The following MAGI2 variants were observed in gnomAD, a reference collection of about 807,000 sequenced individuals.
The protein encoded by MAGI2 is membrane-associated guanylate kinase, WW and PDZ domain-containing protein 2.
Under a neutral mutation model 133.3 loss-of-function variants are expected in MAGI2, and 35 were observed. That is an observed-to-expected ratio of 0.26 (90% confidence interval 0.20 to 0.35). The LOEUF is 0.35. MAGI2 is among the 10% of genes least tolerant of loss of function. The pLI, the probability that MAGI2 is intolerant of heterozygous loss-of-function variation, is 1.00. For missense variants in MAGI2, 1,636 were observed against 1,863.4 expected (o/e 0.88, Z 2.25); for synonymous variants, 729 against 710.6 (o/e 1.03, Z -0.41).
chr7:78,957,768 C>G (rs547584916), intron 2 of MAGI2, among the ~76,000 whole-genome samples: 1 of 152,120 alleles, frequency 6.6e-6, no homozygotes, highest in Non-Finnish European at 1.5e-5. Context: ...CCCACTCAGC[C>G]TGGCTCCAGA....
At chr7:78,626,791 G>C (rs1584891468) in intron 3 of MAGI2, among the ~76,000 whole-genome samples, 1 of 151,092 alleles carries the variant, frequency 6.6e-6, no homozygotes, top group South Asian at 2.1e-4. Flanking sequence ...AGAGATCACA[G>C]CTTAACCTCA....
chr7:78,609,770 T>C (rs997240439), intron 3 of MAGI2, among the ~76,000 whole-genome samples: 3 of 152,160 alleles, frequency 2.0e-5, no homozygotes, highest in Non-Finnish European at 2.9e-5. Context: ...CTAATGGATC[T>C]CCTGTATTCC....
chr7:79,101,382 G>A (rs1013148761), intron 1 of MAGI2, among the ~76,000 whole-genome samples: 3 of 152,104 alleles, frequency 2.0e-5, no homozygotes, highest in African/African-American at 7.2e-5. Flanking sequence ...ATATCACAGT[G>A]ATAAAAGTAA....
intron 2 of MAGI2, among the ~76,000 whole-genome samples, chr7:78,943,759 C>G (rs971154758): frequency 5.9e-5 from 9 of 152,032 alleles, no homozygotes; most frequent in African/African-American, 1.7e-4. Flanking sequence ...ATTTCCTTTT[C>G]TTTAACATTC....
chr7:78,828,025 C>T (rs542757389), intron 2 of MAGI2, among the ~76,000 whole-genome samples: 7 of 152,310 alleles, frequency 4.6e-5, no homozygotes, highest in African/African-American at 1.4e-4. Flanking sequence ...GCTTGGACTA[C>T]AGGCATGTGC....
At chr7:78,121,231 T>TAAA (rs60654902) in intron 20 of MAGI2, among the ~76,000 whole-genome samples, 57 of 126,608 alleles carry the variant, frequency 4.5e-4, no homozygotes, top group Middle Eastern at 3.9e-3. Flanking sequence ...GCAGAAACTA[T>TAAA]AAAAAAAAAA....
intron 3 of MAGI2, among the ~76,000 whole-genome samples, chr7:78,534,786 G>A (rs1797742737): frequency 1.3e-5 from 2 of 152,158 alleles, no homozygotes; most frequent in African/African-American, 4.8e-5. Context: ...AGCAAGTAGA[G>A]TCAGTGAAGG....
At chr7:78,694,776 C>G (rs73147023) in intron 2 of MAGI2, among the ~76,000 whole-genome samples, 7,836 of 152,242 alleles carry the variant, frequency 0.051, 281 homozygotes, top group Non-Finnish European at 0.077. Context: ...ATGTTAAAAG[C>G]TGGTAATATC....
intron 9 of MAGI2, among the ~76,000 whole-genome samples, chr7:78,262,092 A>C (rs1793570816): frequency 5.3e-5 from 8 of 152,114 alleles, no homozygotes; most frequent in Admixed American, 5.2e-4. Flanking sequence ...CAGTTATAAA[A>C]ACAGCCATCA....
intron 2 of MAGI2, among the ~76,000 whole-genome samples, chr7:78,688,502 C>G (rs1585091414): frequency 6.6e-6 from 1 of 152,212 alleles, no homozygotes; most frequent in East Asian, 1.9e-4. Flanking sequence ...TAGTGCAAGG[C>G]TTTTAAAAGA....
intron 1 of MAGI2, among the ~76,000 whole-genome samples, chr7:79,223,618 A>G (rs1830625284): frequency 6.6e-6 from 1 of 152,056 alleles, no homozygotes; most frequent in African/African-American, 2.4e-5. Context: ...GCCTGAGCCC[A>G]GGAGTTTGCA....
intron 3 of MAGI2, among the ~76,000 whole-genome samples, chr7:78,620,717 T>C (rs1807641597): frequency 6.6e-6 from 1 of 152,050 alleles, no homozygotes; most frequent in Non-Finnish European, 1.5e-5. Context: ...CTGGTCTTGA[T>C]TCGATCCTCT....
intron 1 of MAGI2, among the ~76,000 whole-genome samples, chr7:79,387,649 G>GT (rs1248168253): frequency 6.6e-6 from 1 of 151,830 alleles, no homozygotes; most frequent in African/African-American, 2.4e-5. Flanking sequence ...AAATTTAACT[G>GT]TTGGCTTTCA....
intron 2 of MAGI2, among the ~76,000 whole-genome samples, chr7:78,890,389 T>C (rs1796642159): frequency 6.6e-6 from 1 of 152,182 alleles, no homozygotes; most frequent in African/African-American, 2.4e-5. Context: ...AATAGACATC[T>C]ACAGAACTCT....
chr7:78,487,615 A>C (rs1793173582), intron 6 of MAGI2, among the ~76,000 whole-genome samples: 1 of 152,042 alleles, frequency 6.6e-6, no homozygotes, highest in Non-Finnish European at 1.5e-5. Context: ...TGTTAGCTGA[A>C]AACTCTGGTG....
intron 1 of MAGI2, among the ~76,000 whole-genome samples, chr7:79,037,228 G>T (rs1224009638): frequency 6.6e-6 from 1 of 152,100 alleles, no homozygotes; most frequent in Non-Finnish European, 1.5e-5. Flanking sequence ...GGGAAAAAAT[G>T]TTCCATGGTC....
chr7:79,199,449 C>T lies in MAGI2; in HGVS notation c.302-192243G>A, dbSNP rs930963389. Among the ~76,000 whole-genome samples the T allele has an allele frequency of 3.3e-5, 5 of 152,068 alleles. No homozygotes were observed. The South Asian group carries it at 8.3e-4, about 25-fold the overall frequency. ...CTCTGAAGTAGTTCTTTTAGCATCCCTAATTTGCAGCGGAGGCATATGAGG... is the reference window on the plus strand; with the variant it reads ...CTCTGAAGTAGTTCTTTTAGCATCCTTAATTTGCAGCGGAGGCATATGAGG... On this transcript the variant is annotated intron_variant, in intron 1 of 21. Transcript: ENST00000354212.
At chr7:78,334,591 A>T (rs1451078349) in intron 9 of MAGI2, among the ~76,000 whole-genome samples, 2 of 152,162 alleles carry the variant, frequency 1.3e-5, no homozygotes, top group Non-Finnish European at 2.9e-5. Flanking sequence ...CACCCCTTCA[A>T]AGCAGTTCTG....
intron 1 of MAGI2, among the ~76,000 whole-genome samples, chr7:79,145,060 T>C (rs1188991685): frequency 6.6e-6 from 1 of 152,150 alleles, no homozygotes; most frequent in African/African-American, 2.4e-5. Flanking sequence ...AAGGTTCTTC[T>C]TCACAAAAAT....
Sources: allele counts gnomAD v4.1 joint callset (sites outside exome capture counted in the v4.1 genomes callset), GRCh38; gene constraint gnomAD v4.1.1; transcripts MANE v1.5; gene names NCBI Gene and HGNC (gene_info 2026-07-23, HGNC 2026-07-21).